EYS: variants seen among roughly 807,000 people sequenced by gnomAD.
The protein encoded by EYS is protein eyes shut homolog.
In EYS, 250 loss-of-function variants were observed where a neutral mutation model predicts 282.1. The observed-to-expected ratio is 0.89, with a 90% CI of 0.80 to 0.98. The LOEUF is 0.98. EYS is among the 50% of genes least tolerant of loss of function. The pLI is 0.00. For missense variants in EYS, 4,016 were observed against 3,709.0 expected, an observed-to-expected ratio of 1.08 and a Z score of -2.15; for synonymous variants, 1,355 against 1,282.9, an observed-to-expected ratio of 1.06 and a Z score of -1.20.
At chr6:63,820,939 A>C (rs1016694476) in intron 36 of EYS, among the ~76,000 whole-genome samples, 1 of 152,128 alleles carries the variant, frequency 6.6e-6, no homozygotes, top group South Asian at 2.1e-4. Flanking sequence ...GTTGTTATAC[A>C]TATTATTCTA....
At chr6:65,200,180 T>C (rs573397483) in intron 12 of EYS, among the ~76,000 whole-genome samples, 3 of 152,012 alleles carry the variant, frequency 2.0e-5, no homozygotes, top group Non-Finnish European at 4.4e-5. Context: ...CAAAGATAAT[T>C]CTGAAGCTCT....
intron 12 of EYS, among the ~76,000 whole-genome samples, chr6:65,193,407 T>C (rs568300011): frequency 6.6e-6 from 1 of 151,968 alleles, no homozygotes; most frequent in East Asian, 1.9e-4. Context: ...TTCACCCATA[T>C]ACCTATATAA....
chr6:64,443,359 G>T (rs1464302201), intron 26 of EYS, among the ~76,000 whole-genome samples: 3 of 152,174 alleles, frequency 2.0e-5, no homozygotes, highest in Non-Finnish European at 4.4e-5. Flanking sequence ...GGCTCATAGT[G>T]GGGAGGGACT....
At chr6:64,464,870 A>G (rs776320877) in intron 26 of EYS, among the ~76,000 whole-genome samples, 2 of 152,024 alleles carry the variant, frequency 1.3e-5, no homozygotes, top group Non-Finnish European at 2.9e-5. Flanking sequence ...CTACCTTAAG[A>G]TAAAAATAAA....
At chr6:65,707,037 T>C (rs1239617183) in intron 1 of EYS, 98 bp downstream of exon 1, 1 of 152,184 alleles carries the variant, frequency 6.6e-6, no homozygotes, top group Non-Finnish European at 1.5e-5. Flanking sequence ...GAAATGCTTA[T>C]GATTATAATT....
intron 31 of EYS, among the ~76,000 whole-genome samples, chr6:64,118,576 A>G (rs937736191): frequency 1.3e-5 from 2 of 152,160 alleles, no homozygotes; most frequent in Admixed American, 1.3e-4. Flanking sequence ...ACCCAAAGCT[A>G]TTAAACTACT....
chr6:65,514,475 T>C (rs1463693934), intron 2 of EYS, among the ~76,000 whole-genome samples: 1 of 152,194 alleles, frequency 6.6e-6, no homozygotes, highest in African/African-American at 2.4e-5. Context: ...AGAGCTTGCA[T>C]TGCCAAGTCA....
chr6:64,281,609 C>T (rs1190312048), intron 30 of EYS, among the ~76,000 whole-genome samples: 1 of 152,012 alleles, frequency 6.6e-6, no homozygotes, highest in Non-Finnish European at 1.5e-5. Context: ...CATTTTCAAA[C>T]CAAACACAGG....
chr6:64,980,049 T>G (rs1022620803), intron 14 of EYS, among the ~76,000 whole-genome samples: 2 of 151,458 alleles, frequency 1.3e-5, no homozygotes, highest in African/African-American at 4.8e-5. Context: ...ATAAGTGACA[T>G]CCTTTTAGTC....
At chr6:64,589,373 C>T (rs181633842) in intron 26 of EYS, among the ~76,000 whole-genome samples, 19 of 152,150 alleles carry the variant, frequency 1.2e-4, no homozygotes, top group African/African-American at 3.9e-4. Flanking sequence ...TACACAGACA[C>T]AAACCACTAT....
chr6:65,336,723 ATGTT>A (rs148090016), intron 10 of EYS, among the ~76,000 whole-genome samples: 4,228 of 148,554 alleles, frequency 0.028, 187 homozygotes, highest in African/African-American at 0.1. Context: ...TCTTTCACAC[ATGTT>A]TGTTTAATAT....
At chr6:64,378,757 T>C (rs1772647837) in intron 29 of EYS, among the ~76,000 whole-genome samples, 1 of 152,182 alleles carries the variant, frequency 6.6e-6, no homozygotes, top group African/African-American at 2.4e-5. Context: ...ACTCCAGACC[T>C]ACAATTCTTA....
chr6:65,449,995 C>G (rs1764345672), intron 5 of EYS, among the ~76,000 whole-genome samples: 1 of 152,068 alleles, frequency 6.6e-6, no homozygotes, highest in African/African-American at 2.4e-5. Context: ...AGGCAGATTT[C>G]AAAATAGTTT....
At chr6:64,237,339 A>G (rs1227732279) in intron 30 of EYS, among the ~76,000 whole-genome samples, 2 of 152,192 alleles carry the variant, frequency 1.3e-5, no homozygotes, top group Non-Finnish European at 2.9e-5. Context: ...TGTATAGTAA[A>G]GGCTGTGATG....
At chr6:64,625,388 A>G (rs1448525504) in intron 23 of EYS, among the ~76,000 whole-genome samples, 1 of 152,162 alleles carries the variant, frequency 6.6e-6, no homozygotes, top group Non-Finnish European at 1.5e-5. Context: ...GAAAACAGAA[A>G]TTTATTTCTC....
At chr6:64,888,351 T>C (rs74690890) in intron 18 of EYS, among the ~76,000 whole-genome samples, 9,165 of 152,090 alleles carry the variant, frequency 0.06, 299 homozygotes, top group East Asian at 0.17. Context: ...ATTCGTTCAT[T>C]ACAAACGAAT....
chr6:64,467,640 C>A (rs1775968695), intron 26 of EYS, among the ~76,000 whole-genome samples: 1 of 152,154 alleles, frequency 6.6e-6, no homozygotes, highest in Admixed American at 6.5e-5. Flanking sequence ...TCCACGCACA[C>A]ATTCTGGGTA....
At chr6:64,300,174 G>A (rs1769183616) in intron 30 of EYS, among the ~76,000 whole-genome samples, 1 of 152,144 alleles carries the variant, frequency 6.6e-6, no homozygotes. Flanking sequence ...AAAAAAATAA[G>A]AAAAGGCATT....
intron 31 of EYS, among the ~76,000 whole-genome samples, chr6:64,155,455 C>G (rs1774884607): frequency 1.3e-5 from 2 of 151,868 alleles, no homozygotes; most frequent in South Asian, 4.1e-4. Flanking sequence ...TGATTTTCAG[C>G]ACCAGGCTCT....
Sources: allele counts gnomAD v4.1 joint callset (sites outside exome capture counted in the v4.1 genomes callset), GRCh38; gene constraint gnomAD v4.1.1; transcripts MANE v1.5; gene names NCBI Gene and HGNC (gene_info 2026-07-23, HGNC 2026-07-21).